CFAP61: variants seen among roughly 807,000 people sequenced by gnomAD.
The protein encoded by CFAP61 is cilia- and flagella-associated protein 61.
CFAP61 carries 107 observed loss-of-function variants against 135.6 expected under a neutral mutation model. The ratio of observed to expected loss-of-function variants is 0.79; its 90% confidence interval spans 0.67 to 0.93. The LOEUF (loss-of-function observed/expected upper bound fraction) is 0.93, where lower values mean the gene tolerates loss of function less well. Ranked by LOEUF, CFAP61 falls within the 40% of genes least tolerant of loss-of-function variation. CFAP61 has a pLI of 0.00. For missense variants in CFAP61, 1,507 were observed against 1,556.2 expected (o/e 0.97, Z 0.53); for synonymous variants, 575 against 578.5 (o/e 0.99, Z 0.09).
chr20:20,142,972 C>T (rs377384092), intron 9 of CFAP61, 24 bp downstream of exon 9: 9 of 1,451,708 alleles, frequency 6.2e-6, no homozygotes, highest in Non-Finnish European at 6.7e-6. Context: ...TCCCTCCATG[C>T]CTAGGGTGGG....
At chr20:20,105,636 A>ATTTTTTTTTTTTTTTTTTTTTTTTTT (rs2048328911) in intron 8 of CFAP61, among the ~76,000 whole-genome samples, 1 of 144,980 alleles carries the variant, frequency 6.9e-6, no homozygotes, top group Non-Finnish European at 1.5e-5. Flanking sequence ...TTATTTATTT[A>ATTTTTTTTTTTTTTTTTTTTTTTTTT]TTTTTATTGT....
intron 17 of CFAP61, among the ~76,000 whole-genome samples, chr20:20,212,207 CG>C (rs2047697860): frequency 6.6e-6 from 1 of 152,066 alleles, no homozygotes; most frequent in Admixed American, 6.6e-5. Context: ...GAGCGGAAGG[CG>C]GCCATAGTTC....
At chr20:20,303,306 G>A (rs979513093) in intron 25 of CFAP61, among the ~76,000 whole-genome samples, 7 of 152,216 alleles carry the variant, frequency 4.6e-5, no homozygotes, top group Admixed American at 3.3e-4. Context: ...AGGGAGTGCC[G>A]CTGTTAACTG....
At chr20:20,115,487 T>TATA (rs1331978510) in intron 8 of CFAP61, among the ~76,000 whole-genome samples, 1 of 152,068 alleles carries the variant, frequency 6.6e-6, no homozygotes, top group African/African-American at 2.4e-5. Context: ...AATAGATTAT[T>TATA]ATAAACTATA....
At chr20:20,348,823 A>G (rs1171904276) in intron 26 of CFAP61, among the ~76,000 whole-genome samples, 1 of 151,856 alleles carries the variant, frequency 6.6e-6, no homozygotes, top group African/African-American at 2.4e-5. Context: ...CAAACTGTCA[A>G]TAGAAGGGAA....
intron 15 of CFAP61, among the ~76,000 whole-genome samples, chr20:20,193,268 G>A (rs554576936): frequency 3.3e-5 from 5 of 152,186 alleles, no homozygotes; most frequent in African/African-American, 7.2e-5. Context: ...TAGTGTAATC[G>A]TGGCTGTAGG....
At chr20:20,224,621 C>T (rs1356803640) in intron 17 of CFAP61, among the ~76,000 whole-genome samples, 4 of 152,098 alleles carry the variant, frequency 2.6e-5, no homozygotes, top group Non-Finnish European at 5.9e-5. Context: ...AACCGGGAGG[C>T]GGAGGTTGCA....
chr20:20,216,065 G>A (rs931847803), intron 17 of CFAP61, among the ~76,000 whole-genome samples: 1 of 152,148 alleles, frequency 6.6e-6, no homozygotes, highest in Non-Finnish European at 1.5e-5. Flanking sequence ...TGGCAAAGGT[G>A]ACGATTTTAT....
intron 23 of CFAP61, 90 bp from the exon 24 acceptor site, chr20:20,290,210 G>C (rs961418463): frequency 8.6e-6 from 7 of 815,818 alleles, no homozygotes; most frequent in Non-Finnish European, 1.5e-5. Context: ...GCCACTGCAG[G>C]CATCTGTTTG....
chr20:20,218,408 G>C (rs1158840856), intron 17 of CFAP61, among the ~76,000 whole-genome samples: 1 of 152,164 alleles, frequency 6.6e-6, no homozygotes, highest in East Asian at 1.9e-4. Context: ...ACGTGGAACT[G>C]TAAGTCCAAT....
chr20:20,199,899 T>TCC lies in CFAP61; in HGVS notation c.1930_1931dup (p.Met645ArgfsTer2). ...CTCCATCAAAGGCGGTCTCCAAGGA[T>TCC]CCGGTGGGTAGCAGGGCGGCAGGCA... On this transcript the variant is annotated frameshift_variant, in exon 17 of 27. Transcript: ENST00000245957. LOFTEE classifies it high-confidence loss of function. 1 of 1,613,964 alleles carries TCC rather than the reference T, an allele frequency of 6.2e-7. No homozygotes were observed.
At chr20:20,235,616 G>C (rs939462872) in intron 18 of CFAP61, among the ~76,000 whole-genome samples, 1 of 152,150 alleles carries the variant, frequency 6.6e-6, no homozygotes, top group Non-Finnish European at 1.5e-5. Flanking sequence ...CACTTCCTCA[G>C]CTCTGCACCT....
intron 17 of CFAP61, among the ~76,000 whole-genome samples, chr20:20,219,356 A>G (rs139487132): frequency 2.3e-4 from 35 of 152,330 alleles, no homozygotes; most frequent in Middle Eastern, 3.4e-3. Flanking sequence ...TTGCTTTTCT[A>G]GTTGGAGAAA....
chr20:20,179,671 T>TA (rs568000232), intron 13 of CFAP61, among the ~76,000 whole-genome samples: 3 of 152,250 alleles, frequency 2.0e-5, no homozygotes, highest in South Asian at 4.2e-4. Context: ...ATGGTACTGG[T>TA]ACAAAAACAG....
chr20:20,071,345 C>A (rs968667731), intron 3 of CFAP61, among the ~76,000 whole-genome samples: 2 of 152,162 alleles, frequency 1.3e-5, no homozygotes, highest in Admixed American at 1.3e-4. Flanking sequence ...GTTAGGAGAG[C>A]ACCTGCCGTC....
At chr20:20,295,435 G>T (rs911881816) in intron 24 of CFAP61, among the ~76,000 whole-genome samples, 1 of 152,250 alleles carries the variant, frequency 6.6e-6, no homozygotes, top group South Asian at 2.1e-4. Flanking sequence ...TCCTCTCCCA[G>T]ACAGCAGCCT....
rs145656717 is a variant in CFAP61 at position 20,136,527 on chromosome 20, C to CTG, written c.860-6329_860-6328dup. ...CTTAGTCAATTCTGCTATTAAGAGA[C>CTG]TGATACATTTTTCATTATGTCAGTT... On this transcript the variant is annotated intron_variant, in intron 8 of 26. Transcript: ENST00000245957. 1.3e-3 allele frequency among the ~76,000 whole-genome samples: 4 copies of CTG among 3,154 alleles called. No homozygotes were observed. In the Non-Finnish European group the frequency reaches 0.017, roughly 13 times the overall value. The allele number at this position is 3,154 out of a possible 152,430, so 2.1% of individuals were successfully genotyped here. A position where few individuals can be genotyped will look rare whatever the true frequency, so the allele number is the denominator to read the frequency against.
In CFAP61 at chr20:20,193,892, G is replaced by A. The variant is rs1444720827; in HGVS notation, c.1590+2473G>A. On this transcript the variant is annotated intron_variant, in intron 15 of 26. Coordinates refer to ENST00000245957, the MANE Select transcript of CFAP61 (RefSeq NM_015585.4). Reference sequence around the variant, plus strand: ...ACCTCCCAAAGTGCTGGGATTACAGGCATCAGCCCCCTGCGCCAGCCTCAT... The same window carrying A: ...ACCTCCCAAAGTGCTGGGATTACAGACATCAGCCCCCTGCGCCAGCCTCAT... 4.6e-5 allele frequency among the ~76,000 whole-genome samples: 7 copies of A among 152,260 alleles called. No individual in the cohort carries two copies. The East Asian group carries it at 1.3e-3, about 29-fold the overall frequency.
intron 19 of CFAP61, among the ~76,000 whole-genome samples, chr20:20,248,038 C>T (rs6081936): frequency 0.26 from 39,642 of 152,054 alleles, 5,316 homozygotes; most frequent in Middle Eastern, 0.29. Context: ...ACCACAAGGG[C>T]GGAAATTTTT....
Sources: gnomAD v4.1 joint callset for allele counts (sites outside exome capture counted in the v4.1 genomes callset) on GRCh38, gnomAD v4.1.1 for gene constraint, MANE v1.5 for transcripts, NCBI Gene and HGNC (gene_info 2026-07-23, HGNC 2026-07-21) for gene names.